Variants in DOCK3 observed in about 807,000 individuals in gnomAD.
DOCK3 encodes the protein dedicator of cytokinesis 3, also known as dedicator of cytokinesis protein 3.
In DOCK3, 60 loss-of-function variants were observed where a neutral mutation model predicts 265.6. The ratio of observed to expected loss-of-function variants is 0.23; its 90% CI spans 0.18 to 0.28. DOCK3 has a LOEUF of 0.28. Ranked by LOEUF, DOCK3 falls within the 10% of genes least tolerant of loss-of-function variation. The pLI is 1.00. For synonymous variants in DOCK3, 881 were observed against 938.0 expected (o/e 0.94, Z 1.11); for missense variants, 1,981 against 2,594.3 (o/e 0.76, Z 5.14).
chr3:51,068,424 C>G (rs1422688336), intron 6 of DOCK3, among the ~76,000 whole-genome samples: 1 of 151,194 alleles, frequency 6.6e-6, no homozygotes, highest in Admixed American at 6.6e-5. Flanking sequence ...CCTGTAGTCC[C>G]AGCTACTCGG....
intron 12 of DOCK3, among the ~76,000 whole-genome samples, chr3:51,172,584 T>C (rs2086736791): frequency 6.6e-6 from 1 of 152,240 alleles, no homozygotes; most frequent in Admixed American, 6.5e-5. Context: ...GTCTTTAGAA[T>C]GGAGAATTTG....
At chr3:50,734,510 A>G (rs1015154841) in intron 1 of DOCK3, among the ~76,000 whole-genome samples, 2 of 151,922 alleles carry the variant, frequency 1.3e-5, no homozygotes, top group Admixed American at 6.6e-5. Flanking sequence ...TCAAAAAAAT[A>G]ACACCAAACA....
intron 5 of DOCK3, among the ~76,000 whole-genome samples, chr3:50,972,728 G>A (rs961603243): frequency 6.6e-6 from 1 of 152,156 alleles, no homozygotes; most frequent in Non-Finnish European, 1.5e-5. Flanking sequence ...AGGTTTCCTG[G>A]TGGATTTATT....
intron 6 of DOCK3, among the ~76,000 whole-genome samples, chr3:51,066,915 A>G (rs768438046): frequency 1.3e-5 from 2 of 152,214 alleles, no homozygotes; most frequent in Admixed American, 6.5e-5. Flanking sequence ...AGTGTATAAC[A>G]TGAATTTAGG....
rs146116003 is a variant in DOCK3, at chr3:51,374,010, T to A, written c.5294-459T>A. On this transcript the variant is annotated intron_variant, in intron 49 of 52. Transcript: ENST00000266037. This position sits in a 1 kb window ranked among gnomAD's most constrained non-coding sequence, Gnocchi z 4.8. ...AAGGTAAGTGCGTAAAGACACAGTA[T>A]GTCAAGTAATAACAGTGTGGCTATG... 3.3e-5 allele frequency among the ~76,000 whole-genome samples: 5 copies of A among 152,294 alleles called. No individual in the cohort carries two copies. The East Asian group carries it at 9.7e-4, about 29-fold the overall frequency.
At chr3:51,221,826 T>C (rs1468074385) in intron 14 of DOCK3, among the ~76,000 whole-genome samples, 2 of 152,134 alleles carry the variant, frequency 1.3e-5, no homozygotes, top group African/African-American at 4.8e-5. Context: ...AGACCCGTCA[T>C]CAGGGCTACC....
At chr3:51,273,700 A>T (rs2080643798) in intron 24 of DOCK3, among the ~76,000 whole-genome samples, 2 of 152,184 alleles carry the variant, frequency 1.3e-5, no homozygotes, top group African/African-American at 4.8e-5. Context: ...TATGTCATGT[A>T]CTTTGTCTTT....
chr3:51,309,548 C>G (rs1234788982), intron 27 of DOCK3, among the ~76,000 whole-genome samples: 1 of 152,066 alleles, frequency 6.6e-6, no homozygotes, highest in African/African-American at 2.4e-5. Flanking sequence ...AGTCCAGCTT[C>G]GGCTCGGCAT....
intron 11 of DOCK3, among the ~76,000 whole-genome samples, chr3:51,159,676 AT>A (rs2086039017): frequency 6.6e-6 from 1 of 152,142 alleles, no homozygotes; most frequent in Admixed American, 6.5e-5. Flanking sequence ...AGCAAAGGCC[AT>A]TCACCACCTA....
At chr3:51,259,462 A>T (rs757441856) in intron 22 of DOCK3, among the ~76,000 whole-genome samples, 8 of 152,178 alleles carry the variant, frequency 5.3e-5, no homozygotes, top group Non-Finnish European at 8.8e-5. Flanking sequence ...ATTACTCTGT[A>T]AGCATGGGCC....
chr3:51,015,337 T>C (rs545794559), intron 5 of DOCK3, among the ~76,000 whole-genome samples: 1 of 152,128 alleles, frequency 6.6e-6, no homozygotes, highest in South Asian at 2.1e-4. Flanking sequence ...AGATTTTTAT[T>C]ATGAAGGGAT....
chr3:51,074,795 C>T (rs896845090), intron 6 of DOCK3, among the ~76,000 whole-genome samples: 4 of 152,024 alleles, frequency 2.6e-5, no homozygotes, highest in Non-Finnish European at 5.9e-5. Context: ...ACCTGTGTAA[C>T]AAACCTGCAC....
chr3:50,838,950 T>A (rs994914619), intron 2 of DOCK3, among the ~76,000 whole-genome samples: 1 of 152,212 alleles, frequency 6.6e-6, no homozygotes, highest in Admixed American at 6.5e-5. Context: ...AGCAGAATTC[T>A]CATGTGCACC....
chr3:51,084,732 C>T (rs1320326674), intron 7 of DOCK3, among the ~76,000 whole-genome samples: 3 of 152,046 alleles, frequency 2.0e-5, no homozygotes, highest in Non-Finnish European at 2.9e-5. Context: ...ACCACCAAAT[C>T]TTAAAGGCAA....
At chr3:50,985,452 T>C (rs2077862553) in intron 5 of DOCK3, among the ~76,000 whole-genome samples, 2 of 152,222 alleles carry the variant, frequency 1.3e-5, no homozygotes, top group South Asian at 4.1e-4. Context: ...TTAATATTTT[T>C]ATTGTTTCTA....
At chr3:51,116,525 T>C (rs572165752) in intron 9 of DOCK3, among the ~76,000 whole-genome samples, 2 of 150,510 alleles carry the variant, frequency 1.3e-5, no homozygotes, top group South Asian at 4.2e-4. Context: ...TTGATGGGAA[T>C]AGCATTGAAT....
intron 4 of DOCK3, among the ~76,000 whole-genome samples, chr3:50,903,952 C>T (rs1171533336): frequency 6.6e-6 from 1 of 151,826 alleles, no homozygotes; most frequent in African/African-American, 2.4e-5. Flanking sequence ...GTGTGATGTT[C>T]CCCTTCCTGT....
intron 17 of DOCK3, 35 bp downstream of exon 17, chr3:51,228,123 T>C: frequency 1.2e-6 from 2 of 1,601,322 alleles, no homozygotes; most frequent in Non-Finnish European, 1.7e-6. Flanking sequence ...CCCCACCCCT[T>C]ACCTGCCCTG....
chr3:51,227,963 T>A lies in DOCK3; in HGVS notation c.1541-19T>A, dbSNP rs2090399665. ...AGAGTGGAAGGCAAAAAACAACTAA[T>A]ACTTGGCTCTGATTACAGCAAAGGA... is the stretch of plus-strand genomic sequence containing the variant. On this transcript the variant is annotated intron_variant, in intron 16 of 52. Transcript: ENST00000266037. 6.2e-7 allele frequency: 1 copy of A among 1,612,940 alleles called. No homozygotes were observed. The highest frequency in any genetic ancestry group is 8.5e-7 in the Non-Finnish European group (1 of 1,179,134).
Sources: gnomAD v4.1 joint callset for allele counts (sites outside exome capture counted in the v4.1 genomes callset) on GRCh38, gnomAD v4.1.1 for gene constraint, Gnocchi (gnomAD v3.1) non-coding constraint, MANE v1.5 for transcripts, NCBI Gene and HGNC (gene_info 2026-07-23, HGNC 2026-07-21) for gene names.